The following AK9 variants were observed in gnomAD, a reference collection of about 807,000 sequenced individuals.
The protein encoded by AK9 is adenylate kinase 9.
AK9 carries 191 observed loss-of-function variants against 239.6 expected under a neutral mutation model. That is an observed-to-expected ratio of 0.80 (90% CI 0.71 to 0.90). AK9 has a LOEUF of 0.90. Ranked by LOEUF, AK9 falls within the 40% of genes least tolerant of loss-of-function variation. The pLI, the probability that AK9 is intolerant of heterozygous loss-of-function variation, is 0.00. For synonymous variants in AK9, 689 were observed against 721.0 expected, an observed-to-expected ratio of 0.96 and a Z score of 0.71; for missense variants, 1,995 against 2,214.7, an observed-to-expected ratio of 0.90 and a Z score of 1.99.
intron 4 of AK9, 32 bp downstream of exon 4, chr6:109,672,083 T>C: frequency 6.2e-7 from 1 of 1,612,842 alleles, no homozygotes; most frequent in Non-Finnish European, 8.5e-7. Flanking sequence ...TTTTTTGTAA[T>C]CATAGTTACT....
intron 28 of AK9, among the ~76,000 whole-genome samples, chr6:109,529,511 C>T (rs189264524): frequency 4.2e-4 from 64 of 152,154 alleles, no homozygotes; most frequent in African/African-American, 1.5e-3. Flanking sequence ...TTCCATGGAC[C>T]GAAGATGGGG....
Position 109,675,714 on chromosome 6 carries a change from G to T in AK9, c.32C>A (p.Pro11His). 6.3e-7 allele frequency: 1 copy of T among 1,596,204 alleles called. No homozygotes were observed. The highest frequency in any genetic ancestry group is 8.5e-7 in the Non-Finnish European group (1 of 1,172,376). The change falls in exon 2 of 41, where the codon CCT becomes CAT. Residue 11 changes from proline to histidine, a missense_variant. This residue lies in a region of AK9 where 252 missense variants were observed against 246.4 expected (regional missense o/e 1.02). Transcript: ENST00000424296. MTSQEKTEEY[P>H]FADIFDEDET... Reference sequence around the variant, plus strand: ...ATCTTCATCAAATATATCTGCAAAAGGATACTCTTCTGTCTTCTCTTGAGA... The same window carrying T: ...ATCTTCATCAAATATATCTGCAAAATGATACTCTTCTGTCTTCTCTTGAGA...
intron 35 of AK9, among the ~76,000 whole-genome samples, chr6:109,502,957 ATGTGTGTGTGTGTG>A (rs58542655): frequency 6.9e-6 from 1 of 145,400 alleles, no homozygotes; most frequent in Non-Finnish European, 1.5e-5. Flanking sequence ...CAGGAACGGT[ATGTGTGTGTGTGTG>A]TGTGTGTGTG....
Position 109,542,054 on chromosome 6 carries a change from G to A in AK9, c.3343C>T (p.Pro1115Ser). The change falls in exon 27 of 41, where the codon CCA (proline) becomes TCA (serine). Residue 1115 changes from proline (P) to serine (S), a missense_variant. Pro to Ser is a moderately conservative substitution (Grantham distance 74). Around this residue, in one of 5 missense-constraint regions of AK9, gnomAD observed 1,290 missense variants for 1,392.7 expected, o/e 0.93. Coordinates refer to ENST00000424296, the MANE Select transcript of AK9 (RefSeq NM_001145128.3). ...VILSEWWLKE[P>S]IRSTGFILDG... ...CTATATAAATTAAGATACCGTATTG[G>A]TTCCTTAAGCCACCACTCAGAAAGA... is the stretch of plus-strand genomic sequence containing the variant. 6.3e-7 allele frequency: 1 copy of A among 1,592,182 alleles called. No homozygotes were observed. The highest frequency in any genetic ancestry group is 1.1e-5 in the South Asian group (1 of 88,172).
intron 17 of AK9, among the ~76,000 whole-genome samples, chr6:109,592,463 T>C (rs921039015): frequency 6.6e-6 from 1 of 151,088 alleles, no homozygotes; most frequent in African/African-American, 2.4e-5. Flanking sequence ...TTTTTTTTTT[T>C]TGAGACGGAG....
At chr6:109,532,762 T>C (rs73762765) in intron 28 of AK9, among the ~76,000 whole-genome samples, 1 of 152,314 alleles carries the variant, frequency 6.6e-6, no homozygotes, top group African/African-American at 2.4e-5. Context: ...TTAGATACAT[T>C]CCCAGGAGTG....
At chr6:109,583,967 G>A (rs1789170562) in intron 19 of AK9, among the ~76,000 whole-genome samples, 1 of 152,126 alleles carries the variant, frequency 6.6e-6, no homozygotes, top group Non-Finnish European at 1.5e-5. Context: ...TCTGTAGATT[G>A]AGTATAGCTG....
chr6:109,636,751 C>T (rs1796756334), intron 10 of AK9, among the ~76,000 whole-genome samples: 1 of 13,198 alleles, frequency 7.6e-5, no homozygotes, highest in African/African-American at 4.0e-4. Flanking sequence ...AATATTCCAT[C>T]ACACACACAC....
In AK9 at chr6:109,564,802, T is replaced by A. The variant is rs7757895; in HGVS notation, c.2388A>T (p.Pro796=). 73 of 1,544,966 alleles carry A rather than the reference T, an allele frequency of 4.7e-5. No individual in the cohort carries two copies. The highest frequency in any genetic ancestry group is 5.7e-5 in the Non-Finnish European group (65 of 1,143,694). The change falls in exon 22 of 41, where the codon CCA becomes CCT. Residue 796 remains proline, a synonymous_variant. Transcript: ENST00000424296. Reference sequence around the variant, plus strand: ...TTTCCAGGCCCTCTTTGGATCCTTTTGGGATTTCTGTTTCCACTGTAGTTT... The same window carrying A: ...TTTCCAGGCCCTCTTTGGATCCTTTAGGGATTTCTGTTTCCACTGTAGTTT... ...IEETTVETEI[P]KGSKEGLEIE...
At chr6:109,509,043 T>C in intron 33 of AK9, 136 bp downstream of exon 33, 2 of 933,486 alleles carry the variant, frequency 2.1e-6, no homozygotes, top group Non-Finnish European at 3.1e-6. Context: ...ACCATATAGG[T>C]GCCCAGAGTT....
rs138770684 is a variant in AK9 at position 109,628,345 on chromosome 6, C to A, written c.1254+4578G>T. ...CACCCTACTCACAAGCAGCTCCCTT[C>A]TCCCTGCTGCTCTGCTTCACAGTGC... On this transcript the variant is annotated intron_variant, in intron 12 of 40. Coordinates refer to ENST00000424296, the MANE Select transcript of AK9 (RefSeq NM_001145128.3). Among the ~76,000 whole-genome samples the A allele has an allele frequency of 8.5e-3, 1,298 of 152,304 alleles. 15 individuals are homozygous for A. Among genetic ancestry groups the A allele is most frequent in the Middle Eastern group, 0.051 (15 of 294 alleles).
At chr6:109,507,188 T>G (rs950485130) in intron 33 of AK9, among the ~76,000 whole-genome samples, 3 of 152,214 alleles carry the variant, frequency 2.0e-5, no homozygotes, top group Non-Finnish European at 4.4e-5. Context: ...AACTTTAGAT[T>G]TAAAACCTGG....
At chr6:109,620,719 AACTT>A (rs1029000957) in intron 12 of AK9, among the ~76,000 whole-genome samples, 1 of 151,944 alleles carries the variant, frequency 6.6e-6, no homozygotes, top group Non-Finnish European at 1.5e-5. Context: ...AATATGTTAC[AACTT>A]ACTTAACTAA....
chr6:109,512,262 C>T (rs929266882), intron 32 of AK9, among the ~76,000 whole-genome samples: 4 of 152,188 alleles, frequency 2.6e-5, no homozygotes, highest in African/African-American at 7.2e-5. Flanking sequence ...TTACAAATGC[C>T]GTGGCAACAT....
At chr6:109,629,824 G>T (rs1248871209) in intron 12 of AK9, among the ~76,000 whole-genome samples, 2 of 151,908 alleles carry the variant, frequency 1.3e-5, no homozygotes, top group African/African-American at 4.8e-5. Context: ...TAGTAGAGAC[G>T]GGGTTTCACC....
chr6:109,563,463 T>A, intron 24 of AK9, 134 bp downstream of exon 24: 1 of 1,332,756 alleles, frequency 7.5e-7, no homozygotes, highest in Non-Finnish European at 9.7e-7. Flanking sequence ...CAAGTGAAGC[T>A]GAGGCAGAGG....
chr6:109,497,971 A>T lies in AK9; in HGVS notation c.5047-6T>A, dbSNP rs1562315525. The T allele has an allele frequency of 1.9e-6, 3 of 1,611,968 alleles. No individual in the cohort carries two copies. Among genetic ancestry groups the T allele is most frequent in the African/African-American group, 1.3e-5 (1 of 74,992 alleles). On this transcript the variant is annotated splice_region_variant and splice_polypyrimidine_tract_variant and intron_variant, in intron 36 of 40. Coordinates refer to ENST00000424296, the MANE Select transcript of AK9 (RefSeq NM_001145128.3). ...TCTGGGTTCTCCAAGAATTTCTATT[A>T]AAAAAGAATTCCAGTAGCAACATGA...
chr6:109,560,472 G>A (rs1027823985), intron 24 of AK9, among the ~76,000 whole-genome samples: 8 of 151,862 alleles, frequency 5.3e-5, no homozygotes, highest in African/African-American at 1.9e-4. Flanking sequence ...TTTCTTACCA[G>A]TAATAGATTT....
intron 33 of AK9, among the ~76,000 whole-genome samples, chr6:109,508,406 C>T (rs1400469628): frequency 6.6e-6 from 1 of 152,112 alleles, no homozygotes; most frequent in Non-Finnish European, 1.5e-5. Flanking sequence ...TTATGCAAAG[C>T]TGAACACCAG....
Sources: allele counts gnomAD v4.1 joint callset (sites outside exome capture counted in the v4.1 genomes callset), GRCh38; gene constraint gnomAD v4.1.1; regional missense constraint gnomAD v4.1.1; transcripts MANE v1.5; gene names NCBI Gene and HGNC (gene_info 2026-07-23, HGNC 2026-07-21).